Variants in KCNK12 observed in about 807,000 individuals in gnomAD.
KCNK12 encodes the protein potassium two pore domain channel subfamily K member 12, also known as potassium channel subfamily K member 12.
In KCNK12, 6 loss-of-function variants were observed where a neutral mutation model predicts 25.3. The observed-to-expected ratio is 0.24, with a 90% confidence interval of 0.13 to 0.47. The LOEUF is 0.47. KCNK12 is among the 20% of genes least tolerant of loss of function. The pLI, the probability that KCNK12 is intolerant of heterozygous loss-of-function variation, is 0.99. For missense variants in KCNK12, 444 were observed against 661.7 expected, an observed-to-expected ratio of 0.67 and a Z score of 3.61; for synonymous variants, 331 against 311.1, an observed-to-expected ratio of 1.06 and a Z score of -0.67.
Position 47,539,593 on chromosome 2 carries a change from C to T in KCNK12, c.392-17785G>A, listed in dbSNP as rs150499090. Among the ~76,000 whole-genome samples, 141 of 151,964 alleles carry T rather than the reference C, an allele frequency of 9.3e-4. 1 individual carries two copies. The highest frequency in any genetic ancestry group is 3.2e-3 in the African/African-American group (133 of 41,410). ...AGGCCATTCAGGAAGGAAGGAATGA[C>T]GGGGCAAGGGGTCAGAAATTTCTAG... is the stretch of plus-strand genomic sequence containing the variant. On this transcript the variant is annotated intron_variant, in intron 1 of 1. Coordinates refer to ENST00000327876, the MANE Select transcript of KCNK12 (RefSeq NM_022055.2).
Position 47,547,481 on chromosome 2 carries a change from C to T in KCNK12, c.391+22460G>A, listed in dbSNP as rs1173865973. Among the ~76,000 whole-genome samples, 1 of 152,164 alleles carries T rather than the reference C, an allele frequency of 6.6e-6. No individual in the cohort carries two copies. The highest frequency in any genetic ancestry group is 2.4e-5 in the African/African-American group (1 of 41,436). ...TGCGTCTGGGTCTGGCTCTATTGCC[C>T]AGGCTGGAGTGCAATGGCACGATCA... is the stretch of plus-strand genomic sequence containing the variant. On this transcript the variant is annotated intron_variant, in intron 1 of 1. Coordinates refer to ENST00000327876, the MANE Select transcript of KCNK12 (RefSeq NM_022055.2). The surrounding 1 kb of genome is among the most constrained non-coding windows in gnomAD (Gnocchi z 5.0).
rs1669343872 is a variant in KCNK12 at position 47,547,771 on chromosome 2, T to C, written c.391+22170A>G. Among the ~76,000 whole-genome samples, 1 of 152,144 alleles carries C rather than the reference T, an allele frequency of 6.6e-6. No individual in the cohort carries two copies. Among genetic ancestry groups the C allele is most frequent in the Non-Finnish European group, 1.5e-5 (1 of 68,030 alleles). ...TGCCACCATACTTGGCGAATTTTTA[T>C]ATTTTTAGTAGAGAGGGGGTTTCAC... On this transcript the variant is annotated intron_variant, in intron 1 of 1. Transcript: ENST00000327876. The surrounding 1 kb of genome is among the most constrained non-coding windows in gnomAD (Gnocchi z 5.0).
intron 1 of KCNK12, among the ~76,000 whole-genome samples, chr2:47,526,405 GAA>G (rs34272868): frequency 1.1e-5 from 1 of 90,896 alleles, no homozygotes. Context: ...GACTCCCTCA[GAA>G]AAAAAAAAAA....
At chr2:47,561,669 A>G (rs1327295411) in intron 1 of KCNK12, among the ~76,000 whole-genome samples, 4 of 152,184 alleles carry the variant, frequency 2.6e-5, no homozygotes, top group Admixed American at 2.0e-4. Context: ...CACTGCACCC[A>G]TGGGTTAGAG....
chr2:47,512,180 A>G lies in KCNK12; in HGVS notation c.*8727T>C. ...TCCTGCTCCTCCCAGTCCATGGAGA[A>G]AAAAGAATTGAACAAACTGTCTAAG... On this transcript the variant is annotated 3_prime_UTR_variant, in exon 2 of 2. Coordinates refer to ENST00000327876, the MANE Select transcript of KCNK12 (RefSeq NM_022055.2). 1 of 1,216,558 alleles carries G rather than the reference A, an allele frequency of 8.2e-7. No homozygotes were observed. Among genetic ancestry groups the G allele is most frequent in the Non-Finnish European group, 1.1e-6 (1 of 887,534 alleles). The allele number at this position is 1,216,558 out of a possible 1,614,324, so 75.4% of individuals were successfully genotyped here. A position where few individuals can be genotyped will look rare whatever the true frequency, so the allele number is the denominator to read the frequency against.
At chr2:47,524,714 C>T (rs1225289299) in intron 1 of KCNK12, among the ~76,000 whole-genome samples, 3 of 152,142 alleles carry the variant, frequency 2.0e-5, no homozygotes, top group Non-Finnish European at 4.4e-5. Context: ...GTGTAATAAT[C>T]TGTTAAATTG....
In KCNK12 at chr2:47,525,313, C is replaced by T. The variant is rs1392414225; in HGVS notation, c.392-3505G>A. Reference sequence around the variant, plus strand: ...TGCTGTGGATTCTTTCACTCACCCCCAGGCCAGGGGATGGTTGGAGCAGGG... The same window carrying T: ...TGCTGTGGATTCTTTCACTCACCCCTAGGCCAGGGGATGGTTGGAGCAGGG... On this transcript the variant is annotated intron_variant, in intron 1 of 1. Coordinates refer to ENST00000327876, the MANE Select transcript of KCNK12 (RefSeq NM_022055.2). The surrounding 1 kb of genome is among the most constrained non-coding windows in gnomAD (Gnocchi z 4.1). 1.3e-5 allele frequency among the ~76,000 whole-genome samples: 2 copies of T among 152,202 alleles called. No individual in the cohort carries two copies. Among genetic ancestry groups the T allele is most frequent in the Admixed American group, 6.5e-5 (1 of 15,286 alleles).
Position 47,513,443 on chromosome 2 carries a change from T to A in KCNK12, c.*7464A>T, listed in dbSNP as rs901376671. Reference sequence around the variant, plus strand: ...TTTCTCCCATATCTCTGACCCTCTTTCCTTAGTCTTTTTTCTTCTTCCTCC... The same window carrying A: ...TTTCTCCCATATCTCTGACCCTCTTACCTTAGTCTTTTTTCTTCTTCCTCC... On this transcript the variant is annotated 3_prime_UTR_variant, in exon 2 of 2. Coordinates refer to ENST00000327876, the MANE Select transcript of KCNK12 (RefSeq NM_022055.2). 6.6e-6 allele frequency among the ~76,000 whole-genome samples: 1 copy of A among 152,188 alleles called. No homozygotes were observed. Among genetic ancestry groups the A allele is most frequent in the Non-Finnish European group, 1.5e-5 (1 of 68,030 alleles).
At chr2:47,523,127 G>A (rs1055588622) in intron 1 of KCNK12, among the ~76,000 whole-genome samples, 3 of 152,196 alleles carry the variant, frequency 2.0e-5, no homozygotes, top group African/African-American at 7.2e-5. Context: ...AATGTAACCT[G>A]TAGTACACCT....
chr2:47,515,585 A>T lies in KCNK12; in HGVS notation c.*5322T>A, dbSNP rs1051979461. On this transcript the variant is annotated 3_prime_UTR_variant, in exon 2 of 2. Coordinates refer to ENST00000327876, the MANE Select transcript of KCNK12 (RefSeq NM_022055.2). ...TGAAAGTCCCTGCTGTAGATAAAAG[A>T]TGGAGCTTGTGCTTCTGAGTGGTCA... Among the ~76,000 whole-genome samples the T allele has an allele frequency of 2.0e-5, 3 of 152,214 alleles. No individual in the cohort carries two copies. Among genetic ancestry groups the T allele is most frequent in the Admixed American group, 1.3e-4 (2 of 15,290 alleles).
intron 1 of KCNK12, among the ~76,000 whole-genome samples, chr2:47,558,981 GCA>G (rs1669606340): frequency 2.0e-5 from 3 of 152,266 alleles, no homozygotes; most frequent in Non-Finnish European, 4.4e-5. Flanking sequence ...GTGGAATTGA[GCA>G]GGGCCTCTTT....
intron 1 of KCNK12, among the ~76,000 whole-genome samples, chr2:47,527,084 C>T (rs1573627677): frequency 6.6e-6 from 1 of 152,210 alleles, no homozygotes; most frequent in Admixed American, 6.5e-5. Context: ...AGACTGAAAC[C>T]CAGGTGTGCT....
In KCNK12 at chr2:47,547,171, A is replaced by G. The variant is rs1669332257; in HGVS notation, c.391+22770T>C. On this transcript the variant is annotated intron_variant, in intron 1 of 1. Coordinates refer to ENST00000327876, the MANE Select transcript of KCNK12 (RefSeq NM_022055.2). The surrounding 1 kb of genome is among the most constrained non-coding windows in gnomAD (Gnocchi z 5.0). ...CCTCTCTTGCAGCTCCTCCTAGCTT[A>G]GCCTCCTTCATCTTCAAGGGCACTG... 1.3e-5 allele frequency among the ~76,000 whole-genome samples: 2 copies of G among 152,320 alleles called. No individual in the cohort carries two copies. The highest frequency in any genetic ancestry group is 1.9e-4 in the East Asian group (1 of 5,190).
At chr2:47,561,761 A>G (rs1348013204) in intron 1 of KCNK12, among the ~76,000 whole-genome samples, 3 of 152,204 alleles carry the variant, frequency 2.0e-5, no homozygotes, top group Non-Finnish European at 4.4e-5. Flanking sequence ...GGCAAGGAGA[A>G]GTATATCCAC....
rs541439797 is a variant in KCNK12, at chr2:47,512,057, A to G, written c.*8850T>C. Among the ~76,000 whole-genome samples the G allele has an allele frequency of 6.6e-6, 1 of 152,178 alleles. No homozygotes were observed. The highest frequency in any genetic ancestry group is 1.9e-4 in the East Asian group (1 of 5,202). On this transcript the variant is annotated 3_prime_UTR_variant, in exon 2 of 2. Coordinates refer to ENST00000327876, the MANE Select transcript of KCNK12 (RefSeq NM_022055.2). ...GGATCTGGAGCTCATGAAGTTTCTC[A>G]TGGGGTGGGGTATGTGTGTTGAAGC...
In KCNK12 at chr2:47,515,168, G is replaced by A. The variant is rs929590751; in HGVS notation, c.*5739C>T. Among the ~76,000 whole-genome samples the A allele has an allele frequency of 1.3e-4, 20 of 152,154 alleles. No homozygotes were observed. The highest frequency in any genetic ancestry group is 1.6e-4 in the Non-Finnish European group (11 of 68,024). ...ACAGAGAGGAGAGCTGATGGGTGAC[G>A]AGAAATCAGGCCTCTCCGCCACGGC... On this transcript the variant is annotated 3_prime_UTR_variant, in exon 2 of 2. Coordinates refer to ENST00000327876, the MANE Select transcript of KCNK12 (RefSeq NM_022055.2).
At chr2:47,532,503 A>G (rs1222273622) in intron 1 of KCNK12, among the ~76,000 whole-genome samples, 3 of 152,156 alleles carry the variant, frequency 2.0e-5, no homozygotes, top group African/African-American at 4.8e-5. Flanking sequence ...CTGGGACTAC[A>G]GGCACCCACC....
chr2:47,513,818 A>C lies in KCNK12; in HGVS notation c.*7089T>G, dbSNP rs1275492791. 6.6e-6 allele frequency among the ~76,000 whole-genome samples: 1 copy of C among 152,116 alleles called. No homozygotes were observed. Among genetic ancestry groups the C allele is most frequent in the Non-Finnish European group, 1.5e-5 (1 of 68,014 alleles). ...TCAGTCTTATCATCCCCATCCAGGC[A>C]AATCATTGATTCTGTGGACCTACTC... On this transcript the variant is annotated 3_prime_UTR_variant, in exon 2 of 2. Transcript: ENST00000327876.
rs187124070 is a variant in KCNK12, at chr2:47,555,595, T to C, written c.391+14346A>G. ...TTTATCACTCTTTGTTAAAATGGTATACAACTTCTTTTTAGGTAATTCCTT... is the reference window on the plus strand; with the variant it reads ...TTTATCACTCTTTGTTAAAATGGTACACAACTTCTTTTTAGGTAATTCCTT... On this transcript the variant is annotated intron_variant, in intron 1 of 1. Coordinates refer to ENST00000327876, the MANE Select transcript of KCNK12 (RefSeq NM_022055.2). The surrounding 1 kb of genome is among the most constrained non-coding windows in gnomAD (Gnocchi z 4.5). Among the ~76,000 whole-genome samples the C allele has an allele frequency of 1.0e-4, 16 of 152,388 alleles. No homozygotes were observed. Among genetic ancestry groups the C allele is most frequent in the Admixed American group, 7.2e-4 (11 of 15,308 alleles).
Sources: gnomAD v4.1 joint callset for allele counts (sites outside exome capture counted in the v4.1 genomes callset) on GRCh38, gnomAD v4.1.1 for gene constraint, Gnocchi (gnomAD v3.1) non-coding constraint, MANE v1.5 for transcripts, NCBI Gene and HGNC (gene_info 2026-07-23, HGNC 2026-07-21) for gene names.